The following BTBD9 variants were observed in gnomAD, a reference collection of about 807,000 sequenced individuals.
BTBD9 encodes BTB domain containing 9.
A neutral mutation model predicts 64.3 loss-of-function variants in BTBD9; 49 were observed. The ratio of observed to expected loss-of-function variants is 0.76; its 90% confidence interval spans 0.61 to 0.97. The LOEUF is 0.97. BTBD9 is among the 50% of genes least tolerant of loss of function. BTBD9 has a pLI of 0.00. For missense variants in BTBD9, 598 were observed against 762.1 expected, an observed-to-expected ratio of 0.78 and a Z score of 2.53; for synonymous variants, 260 against 274.7, an observed-to-expected ratio of 0.95 and a Z score of 0.53.
chr6:38,294,801 TA>T (rs1454991305), intron 7 of BTBD9, among the ~76,000 whole-genome samples: 1 of 131,814 alleles, frequency 7.6e-6, no homozygotes, highest in Non-Finnish European at 1.7e-5. Flanking sequence ...TAAAGTATAA[TA>T]AAAAAATAAG....
At chr6:38,605,903 A>C (rs865881329) in intron 1 of BTBD9, among the ~76,000 whole-genome samples, 3 of 152,198 alleles carry the variant, frequency 2.0e-5, no homozygotes, top group Non-Finnish European at 2.9e-5. Flanking sequence ...TTGCCAAAGA[A>C]GATTAACATT....
At chr6:38,543,989 T>C (rs888746172) in intron 6 of BTBD9, among the ~76,000 whole-genome samples, 2 of 151,828 alleles carry the variant, frequency 1.3e-5, no homozygotes, top group African/African-American at 2.4e-5. Flanking sequence ...TGAAGGAATT[T>C]ATAATCTAAT....
At chr6:38,585,267 T>A (rs767178269) in intron 4 of BTBD9, among the ~76,000 whole-genome samples, 3 of 152,210 alleles carry the variant, frequency 2.0e-5, no homozygotes, top group Non-Finnish European at 4.4e-5. Flanking sequence ...ACAAATAGCA[T>A]CTTCTATCTT....
intron 6 of BTBD9, among the ~76,000 whole-genome samples, chr6:38,494,517 CA>C (rs1238214317): frequency 2.0e-5 from 3 of 152,216 alleles, no homozygotes; most frequent in Admixed American, 6.5e-5. Flanking sequence ...TGTTAAAATC[CA>C]AACTCCAGAG....
chr6:38,169,360 G>C lies in BTBD9; in HGVS notation c.*5625C>G, dbSNP rs1213771259. The C allele has an allele frequency of 6.6e-6, 1 of 152,410 alleles. No homozygotes were observed. The highest frequency in any genetic ancestry group is 6.5e-5 in the Admixed American group (1 of 15,290). The allele number at this position is 152,410 out of a possible 1,614,324, so 9.4% of individuals were successfully genotyped here. A position where few individuals can be genotyped will look rare whatever the true frequency, so the allele number is the denominator to read the frequency against. ...GCAGCCACCAGGGCAGCACCAGGAG[G>C]CAAAGGCCCTGAGGGAGATGAGCTG... is the stretch of plus-strand genomic sequence containing the variant. On this transcript the variant is annotated 3_prime_UTR_variant, in exon 11 of 11. Transcript: ENST00000481247.
At chr6:38,268,471 G>T (rs1322062682) in intron 8 of BTBD9, among the ~76,000 whole-genome samples, 1 of 152,200 alleles carries the variant, frequency 6.6e-6, no homozygotes, top group Non-Finnish European at 1.5e-5. Context: ...CAAAACAGGT[G>T]GGAAGGCTCA....
intron 7 of BTBD9, among the ~76,000 whole-genome samples, chr6:38,292,256 G>A (rs1032839132): frequency 2.0e-5 from 3 of 152,108 alleles, no homozygotes; most frequent in African/African-American, 4.8e-5. Context: ...GAGCCACCAC[G>A]CCCGGCTGAA....
intron 9 of BTBD9, among the ~76,000 whole-genome samples, chr6:38,238,476 TG>T (rs200805408): frequency 0.02 from 2,858 of 145,246 alleles, 206 homozygotes; most frequent in Admixed American, 0.081. Context: ...CAAGGTTTTT[TG>T]TTTTTTTTTT....
intron 6 of BTBD9, among the ~76,000 whole-genome samples, chr6:38,457,258 T>C (rs984090393): frequency 2.6e-5 from 4 of 152,142 alleles, no homozygotes; most frequent in Admixed American, 2.0e-4. Context: ...AGAGAGTAAT[T>C]TGACCCTGCT....
chr6:38,548,162 T>C (rs1444864600), intron 6 of BTBD9, among the ~76,000 whole-genome samples: 1 of 152,364 alleles, frequency 6.6e-6, no homozygotes, highest in Non-Finnish European at 1.5e-5. Context: ...TACTATTCTC[T>C]AGAAACACAT....
intron 8 of BTBD9, among the ~76,000 whole-genome samples, chr6:38,284,836 G>GTTT (rs1377574599): frequency 6.6e-6 from 1 of 152,100 alleles, no homozygotes; most frequent in Non-Finnish European, 1.5e-5. Context: ...AAAAGAGCCA[G>GTTT]GTAAAAAAGG....
chr6:38,622,030 C>T (rs1019519323), intron 1 of BTBD9, among the ~76,000 whole-genome samples: 4 of 152,156 alleles, frequency 2.6e-5, no homozygotes, highest in Non-Finnish European at 4.4e-5. Context: ...ATACCCGAAG[C>T]CAGCCAGTGG....
intron 6 of BTBD9, among the ~76,000 whole-genome samples, chr6:38,502,056 A>G (rs1212664523): frequency 8.5e-5 from 13 of 152,194 alleles, no homozygotes; most frequent in Admixed American, 8.5e-4. Context: ...TCCTGGTGTC[A>G]ATGAGAAGCT....
chr6:38,452,825 A>C lies in BTBD9; in HGVS notation c.1155-107732T>G, dbSNP rs1769617899. ...TGTAGGAAGGTGATCACTTTGTAATACATCTATCTTTAAAATAAGAGTAAA... is the reference window on the plus strand; with the variant it reads ...TGTAGGAAGGTGATCACTTTGTAATCCATCTATCTTTAAAATAAGAGTAAA... On this transcript the variant is annotated intron_variant, in intron 6 of 10. Coordinates refer to ENST00000481247, the MANE Select transcript of BTBD9 (RefSeq NM_001099272.2). 1.3e-5 allele frequency among the ~76,000 whole-genome samples: 2 copies of C among 152,126 alleles called. 1 individual carries two copies. The highest frequency in any genetic ancestry group is 4.1e-4 in the South Asian group (2 of 4,832).
At chr6:38,273,399 G>A (rs558013881) in intron 8 of BTBD9, among the ~76,000 whole-genome samples, 25 of 152,246 alleles carry the variant, frequency 1.6e-4, no homozygotes, top group Non-Finnish European at 2.2e-4. Flanking sequence ...CCTGGACTAC[G>A]GTCCAGCTGC....
At chr6:38,287,896 A>AT (rs1429389533) in intron 8 of BTBD9, among the ~76,000 whole-genome samples, 2 of 152,206 alleles carry the variant, frequency 1.3e-5, no homozygotes, top group African/African-American at 2.4e-5. Context: ...TCGAATTCAG[A>AT]TCTGTTTGGT....
intron 6 of BTBD9, among the ~76,000 whole-genome samples, chr6:38,565,354 C>A (rs1440799106): frequency 1.3e-5 from 2 of 152,106 alleles, no homozygotes; most frequent in African/African-American, 4.8e-5. Flanking sequence ...TCACTAGATA[C>A]CAGTAGTATG....
At chr6:38,338,131 C>G (rs1202366435) in intron 7 of BTBD9, among the ~76,000 whole-genome samples, 1 of 152,158 alleles carries the variant, frequency 6.6e-6, no homozygotes, top group Admixed American at 6.5e-5. Context: ...GGGATATGTT[C>G]CAAGATGCCC....
At chr6:38,212,075 A>G (rs1254487292) in intron 9 of BTBD9, among the ~76,000 whole-genome samples, 1 of 152,190 alleles carries the variant, frequency 6.6e-6, no homozygotes, top group Non-Finnish European at 1.5e-5. Context: ...AAACCATTTA[A>G]CGTGGTCCCA....
Sources: gnomAD v4.1 joint callset for allele counts (sites outside exome capture counted in the v4.1 genomes callset) on GRCh38, gnomAD v4.1.1 for gene constraint, MANE v1.5 for transcripts, NCBI Gene and HGNC (gene_info 2026-07-23, HGNC 2026-07-21) for gene names.